Variants in CACNA2D1 observed in about 807,000 individuals in gnomAD.
CACNA2D1 encodes voltage-dependent calcium channel subunit alpha-2/delta-1.
In CACNA2D1, 53 loss-of-function variants were observed where a neutral mutation model predicts 171.5. That is an observed-to-expected ratio of 0.31 (90% CI 0.25 to 0.39). The LOEUF (loss-of-function observed/expected upper bound fraction) is 0.39. Ranked by LOEUF, CACNA2D1 falls within the 10% of genes least tolerant of loss-of-function variation. The probability of loss-of-function intolerance (pLI) is 1.00; values close to 1 mark genes in which losing one functional copy is unlikely to be tolerated. For missense variants in CACNA2D1, 903 were observed against 1,299.8 expected, an observed-to-expected ratio of 0.69 and a Z score of 4.69; for synonymous variants, 442 against 443.1, an observed-to-expected ratio of 1.00 and a Z score of 0.03.
intron 1 of CACNA2D1, among the ~76,000 whole-genome samples, chr7:82,414,511 G>A (rs1279613320): frequency 1.3e-5 from 2 of 152,148 alleles, no homozygotes; most frequent in African/African-American, 2.4e-5. Context: ...CCTAACTATG[G>A]ACAATAATCT....
At chr7:82,289,973 C>G (rs550423694) in intron 3 of CACNA2D1, among the ~76,000 whole-genome samples, 2 of 152,198 alleles carry the variant, frequency 1.3e-5, no homozygotes, top group Middle Eastern at 3.2e-3. Flanking sequence ...TAAAGTAGAA[C>G]CTACATTACT....
intron 1 of CACNA2D1, chr7:82,410,572 G>T: frequency 3.1e-6 from 3 of 966,154 alleles, no homozygotes; most frequent in Non-Finnish European, 3.7e-6. Context: ...GCTGGCTTGC[G>T]ACACTTAGGA....
chr7:82,357,050 A>C (rs560810907), intron 1 of CACNA2D1, among the ~76,000 whole-genome samples: 1 of 152,296 alleles, frequency 6.6e-6, no homozygotes, highest in Non-Finnish European at 1.5e-5. Context: ...GAATAATTGA[A>C]AAAAATCTTT....
At chr7:81,958,510 TAAG>T (rs1793708166) in intron 38 of CACNA2D1, among the ~76,000 whole-genome samples, 1 of 151,882 alleles carries the variant, frequency 6.6e-6, no homozygotes, top group Non-Finnish European at 1.5e-5. Flanking sequence ...TAATATTTCT[TAAG>T]AATTTTAAAA....
At chr7:81,963,616 C>T (rs1438354527) in intron 34 of CACNA2D1, among the ~76,000 whole-genome samples, 1 of 151,908 alleles carries the variant, frequency 6.6e-6, no homozygotes, top group Non-Finnish European at 1.5e-5. Context: ...AATACTAGTC[C>T]TTGTATCAAT....
intron 3 of CACNA2D1, among the ~76,000 whole-genome samples, chr7:82,294,130 A>G (rs1445976453): frequency 6.6e-6 from 1 of 152,180 alleles, no homozygotes; most frequent in Admixed American, 6.5e-5. Context: ...CACCATGCTT[A>G]ATCAAAACTC....
chr7:82,116,368 C>T (rs1008529530), intron 6 of CACNA2D1, among the ~76,000 whole-genome samples: 4 of 152,280 alleles, frequency 2.6e-5, no homozygotes, highest in South Asian at 2.1e-4. Flanking sequence ...ACAACACCTG[C>T]GCAAGCTTCC....
intron 3 of CACNA2D1, among the ~76,000 whole-genome samples, chr7:82,282,574 A>G (rs1012265685): frequency 1.3e-5 from 2 of 152,160 alleles, no homozygotes; most frequent in Non-Finnish European, 2.9e-5. Flanking sequence ...ATTTCCCAGT[A>G]TACTTAACCT....
chr7:82,050,569 A>G, intron 10 of CACNA2D1: 1 of 702,772 alleles, frequency 1.4e-6, no homozygotes, highest in Non-Finnish European at 2.6e-6. Flanking sequence ...GAGAGACACA[A>G]TAGTTTAATT....
chr7:82,339,391 A>G (rs1253254260), intron 2 of CACNA2D1, among the ~76,000 whole-genome samples: 2 of 152,228 alleles, frequency 1.3e-5, no homozygotes, highest in African/African-American at 4.8e-5. Context: ...GTCTTGGACA[A>G]GCAATCAAGA....
intron 20 of CACNA2D1, among the ~76,000 whole-genome samples, chr7:81,992,308 CA>C (rs1797628593): frequency 6.6e-6 from 1 of 152,020 alleles, no homozygotes; most frequent in Non-Finnish European, 1.5e-5. Flanking sequence ...TTATATCCTG[CA>C]ATTTATTGAT....
chr7:82,382,671 T>C (rs956227885), intron 1 of CACNA2D1, among the ~76,000 whole-genome samples: 4 of 152,194 alleles, frequency 2.6e-5, no homozygotes, highest in African/African-American at 4.8e-5. Flanking sequence ...TCTAAGTAAG[T>C]GTAAGGGGAC....
intron 1 of CACNA2D1, among the ~76,000 whole-genome samples, chr7:82,399,504 T>G (rs955643964): frequency 6.6e-6 from 1 of 151,842 alleles, no homozygotes; most frequent in Non-Finnish European, 1.5e-5. Flanking sequence ...TTTCACAAGA[T>G]AGTAAAACAA....
intron 3 of CACNA2D1, among the ~76,000 whole-genome samples, chr7:82,238,749 T>C (rs1043503612): frequency 6.6e-6 from 1 of 152,104 alleles, no homozygotes; most frequent in Non-Finnish European, 1.5e-5. Flanking sequence ...GTGTTATCTG[T>C]ATGTCTGTTA....
intron 3 of CACNA2D1, among the ~76,000 whole-genome samples, chr7:82,222,898 C>CTTTTTTTTTTTTTTTTTT (rs796527774): frequency 2.4e-5 from 3 of 124,526 alleles, no homozygotes; most frequent in Non-Finnish European, 3.6e-5. Context: ...TTCTTTCTTT[C>CTTTTTTTTTTTTTTTTTT]TTTTTTTTTT....
chr7:82,299,819 A>C (rs1812781813), intron 3 of CACNA2D1, among the ~76,000 whole-genome samples: 1 of 152,196 alleles, frequency 6.6e-6, no homozygotes, highest in African/African-American at 2.4e-5. Flanking sequence ...ATAGAAAATC[A>C]GAAAATATTA....
intron 1 of CACNA2D1, among the ~76,000 whole-genome samples, chr7:82,361,565 G>A (rs976430569): frequency 2.0e-5 from 3 of 151,852 alleles, no homozygotes; most frequent in African/African-American, 7.3e-5. Context: ...ATATAATTGC[G>A]ATCTTTAATG....
intron 21 of CACNA2D1, among the ~76,000 whole-genome samples, chr7:81,988,103 A>G (rs1797159540): frequency 6.6e-6 from 1 of 152,172 alleles, no homozygotes; most frequent in Admixed American, 6.5e-5. Flanking sequence ...ATCACATTGT[A>G]AGGGTCAAAA....
At chr7:82,098,378 A>C (rs1812185757) in intron 6 of CACNA2D1, among the ~76,000 whole-genome samples, 1 of 152,208 alleles carries the variant, frequency 6.6e-6, no homozygotes, top group Non-Finnish European at 1.5e-5. Context: ...AAGAAGAGAT[A>C]ATATGAAGGA....
Sources: allele counts gnomAD v4.1 joint callset (sites outside exome capture counted in the v4.1 genomes callset), GRCh38; gene constraint gnomAD v4.1.1; transcripts MANE v1.5; gene names NCBI Gene and HGNC (gene_info 2026-07-23, HGNC 2026-07-21).